The following PSG2 variants were observed in gnomAD, a reference collection of about 807,000 sequenced individuals.
PSG2 encodes the protein pregnancy specific beta-1-glycoprotein 2.
A neutral mutation model predicts 36.2 loss-of-function variants in PSG2; 49 were observed. The ratio of observed to expected loss-of-function variants is 1.35; its 90% CI spans 1.08 to 1.72. PSG2 has a LOEUF of 1.72. Among genes scored for constraint, PSG2 ranks in the 40% most tolerant of loss-of-function variants. The pLI is 0.00. For synonymous variants in PSG2, 261 were observed against 155.6 expected, an observed-to-expected ratio of 1.68 and a Z score of -5.04; for missense variants, 605 against 407.2, an observed-to-expected ratio of 1.49 and a Z score of -4.18.
intron 1 of PSG2, among the ~76,000 whole-genome samples, chr19:43,081,541 G>C (rs187565751): frequency 6.7e-6 from 1 of 149,918 alleles, no homozygotes; most frequent in African/African-American, 2.5e-5. Context: ...CCAGGGGTCC[G>C]CATGACCCCA....
intron 2 of PSG2, among the ~76,000 whole-genome samples, chr19:43,079,325 G>A (rs1967938725): frequency 6.6e-6 from 1 of 151,472 alleles, no homozygotes; most frequent in East Asian, 1.9e-4. Context: ...GAGCTTCAGA[G>A]TTACATGAGG....
At chr19:43,067,713 G>A (rs1165340536) in intron 4 of PSG2, among the ~76,000 whole-genome samples, 2 of 151,348 alleles carry the variant, frequency 1.3e-5, no homozygotes, top group Admixed American at 1.3e-4. Flanking sequence ...TAGTAATATA[G>A]TAGCTGACAT....
At chr19:43,065,448 T>C (rs940200420) in intron 5 of PSG2, 4 of 151,644 alleles carry the variant, frequency 2.6e-5, no homozygotes, top group Non-Finnish European at 5.9e-5. Flanking sequence ...TACGTGTTAG[T>C]AGTGTCAGGG....
In PSG2 at chr19:43,081,054, C is replaced by T. The variant is rs1241187521; in HGVS notation, c.257G>A (p.Gly86Asp). The change falls in exon 2 of 6, where the codon GGT becomes GAT. Residue 86 changes from glycine (G) to aspartate (D), a missense_variant. By Grantham distance (94) the Gly-to-Asp change is moderately conservative (BLOSUM62 -1). Transcript: ENST00000406487. ...TGCAGGCCCATATATAATTATTTGA[C>T]CGTCTACTACATATGATGTAATGTA... ...YHYITSYVVDGQIIIYGPAYS... is the reference protein window; with the variant it reads ...YHYITSYVVDDQIIIYGPAYS... 5.0e-6 allele frequency: 8 copies of T among 1,612,762 alleles called. No homozygotes were observed. The highest frequency in any genetic ancestry group is 6.8e-6 in the Non-Finnish European group (8 of 1,179,668).
chr19:43,081,023 A>G lies in PSG2; in HGVS notation c.288T>C (p.Ser96=). 5 of 1,613,052 alleles carry G rather than the reference A, an allele frequency of 3.1e-6. No individual in the cohort carries two copies. The highest frequency in any genetic ancestry group is 4.2e-6 in the Non-Finnish European group (5 of 1,179,674). The part of the protein sequence containing the change: ...GQIIIYGPAY[S]GRETAYSNAS... The stretch of plus-strand genomic sequence containing the variant: ...CATTGGAATATGCTGTTTCTCGTCC[A>G]CTATATGCAGGCCCATATATAATTA... The change falls in exon 2 of 6, where the codon AGT becomes AGC. Residue 96 remains serine (S), a synonymous_variant. Coordinates refer to ENST00000406487, the MANE Select transcript of PSG2 (RefSeq NM_031246.4).
At chr19:43,079,364 G>A (rs956533837) in intron 2 of PSG2, among the ~76,000 whole-genome samples, 6 of 151,556 alleles carry the variant, frequency 4.0e-5, no homozygotes, top group East Asian at 3.9e-4. Flanking sequence ...AAGAGGTAGT[G>A]GGGGGATGAA....
chr19:43,072,802 T>A (rs530611951), intron 3 of PSG2, among the ~76,000 whole-genome samples: 2 of 151,878 alleles, frequency 1.3e-5, no homozygotes, highest in African/African-American at 4.8e-5. Flanking sequence ...GCTCAAAGAC[T>A]GTGAGGCCGC....
intron 2 of PSG2, among the ~76,000 whole-genome samples, chr19:43,076,731 T>C (rs533624897): frequency 3.3e-5 from 5 of 151,670 alleles, no homozygotes; most frequent in South Asian, 4.2e-4. Flanking sequence ...GATAAGGAGG[T>C]TCTAGAGATC....
In PSG2 at chr19:43,066,635, G is replaced by A. The variant is rs10406902; in HGVS notation, c.965-35C>T. ...AAAGAAAAGTAAAGAAGGAATGAAG[G>A]TGATGTTATTTTACATGGGGGAGCA... On this transcript the variant is annotated intron_variant, in intron 4 of 5. Coordinates refer to ENST00000406487, the MANE Select transcript of PSG2 (RefSeq NM_031246.4). The A allele has an allele frequency of 7.0e-3, 10,921 of 1,558,490 alleles. 763 individuals carry two copies. The African/African-American group carries it at 0.11, about 16-fold the overall frequency.
chr19:43,077,746 C>CGG (rs1967917568), intron 2 of PSG2, among the ~76,000 whole-genome samples: 8 of 151,784 alleles, frequency 5.3e-5, no homozygotes, highest in African/African-American at 1.7e-4. Context: ...TTAAAAATTG[C>CGG]TACTGTCAAA....
rs1379352756 is a variant in PSG2 at position 43,068,468 on chromosome 19, AAGAAAG to A, written c.965-1874_965-1869del. On this transcript the variant is annotated intron_variant, in intron 4 of 5. Transcript: ENST00000406487. ...CTCTCTTTTCAACAAAAAAAAAAAA[AAGAAAG>A]AAAGAAAGAAAGAAAGAAAAATGAA... Among the ~76,000 whole-genome samples, 259 of 133,566 alleles carry A rather than the reference AAGAAAG, an allele frequency of 1.9e-3. 2 individuals are homozygous for A. Among genetic ancestry groups the A allele is most frequent in the African/African-American group, 7.7e-3 (207 of 26,992 alleles). The allele number at this position is 133,566 out of a possible 152,430, so 87.6% of individuals were successfully genotyped here. A position where few individuals can be genotyped will look rare whatever the true frequency, so the allele number is the denominator to read the frequency against.
chr19:43,079,773 G>T (rs1318267702), intron 2 of PSG2, among the ~76,000 whole-genome samples: 1 of 151,710 alleles, frequency 6.6e-6, no homozygotes, highest in Non-Finnish European at 1.5e-5. Flanking sequence ...ACTCCTCTGA[G>T]GTTTGGATGC....
intron 2 of PSG2, among the ~76,000 whole-genome samples, chr19:43,077,133 C>T (rs975382371): frequency 6.6e-6 from 1 of 151,512 alleles, no homozygotes; most frequent in Non-Finnish European, 1.5e-5. Flanking sequence ...ACTGATGATC[C>T]AAACATCTAA....
At position 43,075,456 on chromosome 19, in the gene PSG2, A is replaced by C. The variant is rs552740421; in HGVS notation, c.607T>G (p.Phe203Val). 2.2e-5 allele frequency: 36 copies of C among 1,613,214 alleles called. 1 individual carries two copies. The Admixed American group carries it at 4.3e-4, about 19-fold the overall frequency. The stretch of plus-strand genomic sequence containing the variant: ...GTATACTTTGTGACACCAAATAGAA[A>C]GAGGGTCCTGTTGGTTTCGGACAGC... Reference protein sequence around the residue: ...FQLSETNRTLFLFGVTKYTAG... With the variant: ...FQLSETNRTLVLFGVTKYTAG... Residue 203 changes from phenylalanine (F) to valine (V), a missense_variant, in exon 3 of 6, where the codon TTT becomes GTT. Transcript: ENST00000406487.
At chr19:43,080,327 C>A (rs1446929714) in intron 2 of PSG2, among the ~76,000 whole-genome samples, 1 of 151,758 alleles carries the variant, frequency 6.6e-6, no homozygotes, top group African/African-American at 2.4e-5. Flanking sequence ...CCAGATGAGG[C>A]TCTGAGGGCT....
chr19:43,077,401 T>A lies in PSG2; in HGVS notation c.431-1769A>T, dbSNP rs1967912428. Among the ~76,000 whole-genome samples the A allele has an allele frequency of 1.3e-5, 2 of 151,814 alleles. 1 individual carries two copies. The highest frequency in any genetic ancestry group is 4.9e-5 in the African/African-American group (2 of 41,152). ...TATAGAAAGAACTCCCTGCTTCTAATTTCTGTGCAGAGTTAGGAAAAATGG... is the reference window on the plus strand; with the variant it reads ...TATAGAAAGAACTCCCTGCTTCTAAATTCTGTGCAGAGTTAGGAAAAATGG... On this transcript the variant is annotated intron_variant, in intron 2 of 5. Coordinates refer to ENST00000406487, the MANE Select transcript of PSG2 (RefSeq NM_031246.4).
At chr19:43,075,776 G>A in intron 2 of PSG2, 144 bp from the exon 3 acceptor site, 1 of 1,471,016 alleles carries the variant, frequency 6.8e-7, no homozygotes, top group South Asian at 1.4e-5. Flanking sequence ...TTACAAGACA[G>A]ATGCATGGCA....
chr19:43,070,082 A>G (rs752187307), intron 4 of PSG2, among the ~76,000 whole-genome samples: 4 of 151,686 alleles, frequency 2.6e-5, no homozygotes, highest in African/African-American at 7.3e-5. Context: ...AGCCCATGCA[A>G]AGTTCCTCAG....
chr19:43,071,876 G>A lies in PSG2; in HGVS notation c.788C>T (p.Ala263Val), dbSNP rs777210176. 35 of 1,612,890 alleles carry A rather than the reference G, an allele frequency of 2.2e-5. 1 individual carries two copies. The highest frequency in any genetic ancestry group is 6.6e-5 in the South Asian group (6 of 91,038). The change falls in exon 4 of 6, where the codon GCG (alanine) becomes GTG (valine). Residue 263 changes from alanine to valine, a missense_variant. By Grantham distance (64) the Ala-to-Val change is moderately conservative (BLOSUM62 0). Transcript: ENST00000406487. ...ATACTGTGCCGGTGGGTTAGAGTTC[G>A]CGAAGCAAGACAAGTAGAGGTTATC... ...SGDNLYLSCF[A>V]NSNPPAQYSW... is the part of the protein sequence containing the mutation.
Sources: gnomAD v4.1 joint callset for allele counts (sites outside exome capture counted in the v4.1 genomes callset) on GRCh38, gnomAD v4.1.1 for gene constraint, MANE v1.5 for transcripts, NCBI Gene and HGNC (gene_info 2026-07-23, HGNC 2026-07-21) for gene names.